The following IL7R variants were observed in gnomAD, a reference collection of about 807,000 sequenced individuals.
IL7R encodes the protein interleukin-7 receptor subunit alpha.
IL7R carries 38 observed loss-of-function variants against 47.0 expected under a neutral mutation model. The observed-to-expected ratio is 0.81, with a 90% CI of 0.62 to 1.06. The LOEUF (loss-of-function observed/expected upper bound fraction) is 1.06, where lower values mean the gene tolerates loss of function less well. IL7R is among the 50% of genes least tolerant of loss of function. IL7R has a pLI of 0.00. For synonymous variants in IL7R, 221 were observed against 199.8 expected (o/e 1.11, Z -0.89); for missense variants, 633 against 534.8 (o/e 1.18, Z -1.81).
intron 3 of IL7R, among the ~76,000 whole-genome samples, chr5:35,870,610 C>G (rs576322662): frequency 1.3e-5 from 2 of 152,258 alleles, no homozygotes; most frequent in Admixed American, 1.3e-4. Context: ...AAATAAGCCC[C>G]CAAACATATG....
At chr5:35,859,221 A>G (rs952725668) in intron 1 of IL7R, among the ~76,000 whole-genome samples, 1 of 152,156 alleles carries the variant, frequency 6.6e-6, no homozygotes, top group South Asian at 2.1e-4. Flanking sequence ...GGGTGCTGAC[A>G]TCTGCTAGAG....
At chr5:35,875,683 T>A in intron 7 of IL7R, 96 bp downstream of exon 7, 1 of 977,846 alleles carries the variant, frequency 1.0e-6, no homozygotes, top group Non-Finnish European at 1.6e-6. Context: ...CCTCACCTTT[T>A]GGTATTTGAT....
chr5:35,873,739 C>A, intron 5 of IL7R, 91 bp downstream of exon 5: 2 of 1,199,682 alleles, frequency 1.7e-6, no homozygotes, highest in Non-Finnish European at 2.5e-6. Context: ...TGAAACTAAC[C>A]TGCAAAATAG....
At chr5:35,874,382 C>A in intron 5 of IL7R, 67 bp from the exon 6 acceptor site, 1 of 1,037,780 alleles carries the variant, frequency 9.6e-7, no homozygotes, top group Non-Finnish European at 1.5e-6. Flanking sequence ...AAATGCAAAG[C>A]ACCCTGAGAC....
At chr5:35,867,913 C>A (rs1419004323) in intron 3 of IL7R, among the ~76,000 whole-genome samples, 2 of 150,616 alleles carry the variant, frequency 1.3e-5, no homozygotes, top group Non-Finnish European at 3.0e-5. Context: ...GAGTTTTCTA[C>A]AAAAAAAAAA....
At position 35,874,292 on chromosome 5, in the gene IL7R, C is replaced by G. The variant is rs2149903892; in HGVS notation, c.707-157C>G. Among the ~76,000 whole-genome samples the G allele has an allele frequency of 2.0e-5, 3 of 152,288 alleles. No individual in the cohort carries two copies. The South Asian group carries it at 6.2e-4, about 32-fold the overall frequency. The stretch of plus-strand genomic sequence containing the variant: ...AAGTCAATGCCTTTTAAACCAAAAT[C>G]CCTCCATAAAGCTGTCAAATATGTC... On this transcript the variant is annotated intron_variant, in intron 5 of 7. Coordinates refer to ENST00000303115, the MANE Select transcript of IL7R (RefSeq NM_002185.5).
chr5:35,867,721 G>A (rs532735901), intron 3 of IL7R: 3 of 602,766 alleles, frequency 5.0e-6, no homozygotes, highest in East Asian at 2.7e-5. Context: ...TGGCTAACTG[G>A]AGCTGGGCTT....
At position 35,878,756 on chromosome 5, in the gene IL7R, C is replaced by G. The variant is rs574931316; in HGVS notation, c.*2270C>G. The G allele has an allele frequency of 4.3e-6, 1 of 232,832 alleles. No individual in the cohort carries two copies. Among genetic ancestry groups the G allele is most frequent in the African/African-American group, 2.2e-5 (1 of 45,398 alleles). 14.4% of individuals were successfully genotyped at this position (232,832 alleles called of 1,614,324 possible). On this transcript the variant is annotated 3_prime_UTR_variant, in exon 8 of 8. Transcript: ENST00000303115. ...GGACACAGGAAGACAGGTAAATTAC[C>G]CAACCTCACACGTTAAGTCAGAACT...
chr5:35,868,014 G>A (rs1490385882), intron 3 of IL7R, among the ~76,000 whole-genome samples: 3 of 152,142 alleles, frequency 2.0e-5, no homozygotes, highest in Non-Finnish European at 2.9e-5. Flanking sequence ...ACTGGCAATC[G>A]CAAAAATCCA....
At chr5:35,863,142 A>G (rs6451226) in intron 2 of IL7R, among the ~76,000 whole-genome samples, 104,368 of 151,998 alleles carry the variant, frequency 0.69, 36,583 homozygotes, top group African/African-American at 0.8. Flanking sequence ...AGCCTAAACA[A>G]TCGCACACTC....
chr5:35,875,936 T>G, intron 7 of IL7R, 47 bp from the exon 8 acceptor site: 1 of 1,592,744 alleles, frequency 6.3e-7, no homozygotes, highest in East Asian at 2.2e-5. Context: ...TTTGATGGTG[T>G]GTCTCTCTGG....
chr5:35,867,184 C>T, intron 2 of IL7R, 122 bp from the exon 3 acceptor site: 1 of 832,458 alleles, frequency 1.2e-6, no homozygotes, highest in Non-Finnish European at 2.0e-6. Context: ...CCTCCACTCA[C>T]CCACCCACAT....
chr5:35,864,531 A>G (rs1354752571), intron 2 of IL7R, among the ~76,000 whole-genome samples: 1 of 152,092 alleles, frequency 6.6e-6, no homozygotes, highest in Non-Finnish European at 1.5e-5. Flanking sequence ...GCAACGTTTG[A>G]CTTTGGGATA....
rs750985822 is a variant in IL7R at position 35,871,117 on chromosome 5, G to A, written c.441G>A (p.Val147=). The A allele has an allele frequency of 5.6e-6, 9 of 1,611,818 alleles. No individual in the cohort carries two copies. In the East Asian group the frequency reaches 1.1e-4, roughly 20 times the overall value. ...ATCGGGAAGGAGCCAATGACTTTGT[G>A]GTGACATTTAATACATCACACTTGC... The part of the protein sequence containing the change: ...VVYREGANDF[V]VTFNTSHLQK... The change falls in exon 4 of 8, where the codon GTG becomes GTA. Residue 147 remains valine, a synonymous_variant. Coordinates refer to ENST00000303115, the MANE Select transcript of IL7R (RefSeq NM_002185.5).
At chr5:35,870,741 G>A (rs1020115285) in intron 3 of IL7R, among the ~76,000 whole-genome samples, 11 of 152,130 alleles carry the variant, frequency 7.2e-5, no homozygotes, top group Admixed American at 4.6e-4. Context: ...TGGCTCCACC[G>A]TCTGTAATGC....
rs1760302428 is a variant in IL7R, at chr5:35,879,603, A to G, written c.*3117A>G. The G allele has an allele frequency of 4.8e-6, 1 of 209,358 alleles. No individual in the cohort carries two copies. The highest frequency in any genetic ancestry group is 2.3e-5 in the African/African-American group (1 of 44,000). 13.0% of individuals were successfully genotyped at this position (209,358 alleles called of 1,614,324 possible). On this transcript the variant is annotated 3_prime_UTR_variant, in exon 8 of 8. Transcript: ENST00000303115. ...ATTTAATTAAATGGTATAGAAGAAC[A>G]CTTTGTGGCATGCCTGTTTTCTCTG... is the stretch of plus-strand genomic sequence containing the variant.
In IL7R at chr5:35,878,432, AATT is replaced by A. The variant is rs1760267966; in HGVS notation, c.*1955_*1957del. The A allele has an allele frequency of 8.6e-6, 2 of 233,050 alleles. No individual in the cohort carries two copies. Among genetic ancestry groups the A allele is most frequent in the African/African-American group, 2.2e-5 (1 of 45,446 alleles). The allele number at this position is 233,050 out of a possible 1,614,324, so 14.4% of individuals were successfully genotyped here. ...AATGAAAGTGACTGCTTGGTAAACA[AATT>A]ATTATTATATTATAAAATGCTATAA... is the stretch of plus-strand genomic sequence containing the variant. On this transcript the variant is annotated 3_prime_UTR_variant, in exon 8 of 8. Transcript: ENST00000303115.
rs2149905146 is a variant in IL7R at position 35,876,007 on chromosome 5, G to A, written c.901G>A (p.Glu301Lys). ...RKNLNVSFNP[E>K]SFLDCQIHRV... ...GAATTTAAATGTGAGTTTCAATCCT[G>A]AAAGTTTCCTGGACTGCCAGATTCA... The change falls in exon 8 of 8, where the codon GAA (glutamate) becomes AAA (lysine). Residue 301 changes from glutamate to lysine, a missense_variant. Transcript: ENST00000303115. The A allele has an allele frequency of 6.2e-7, 1 of 1,613,492 alleles. No individual in the cohort carries two copies. Among genetic ancestry groups the A allele is most frequent in the Non-Finnish European group, 8.5e-7 (1 of 1,179,970 alleles).
At position 35,879,274 on chromosome 5, in the gene IL7R, T is replaced by C. The variant is rs991822992; in HGVS notation, c.*2788T>C. ...CTTCAATGTGGTTTCCATGGGAATT[T>C]GCTTCAGAAAAGCCAAGTATGGGCT... On this transcript the variant is annotated 3_prime_UTR_variant, in exon 8 of 8. Coordinates refer to ENST00000303115, the MANE Select transcript of IL7R (RefSeq NM_002185.5). 1.7e-5 allele frequency: 4 copies of C among 232,790 alleles called. No homozygotes were observed. The highest frequency in any genetic ancestry group is 8.8e-5 in the African/African-American group (4 of 45,338). 14.4% of individuals were successfully genotyped at this position (232,790 alleles called of 1,614,324 possible).
Sources: gnomAD v4.1 joint callset for allele counts (sites outside exome capture counted in the v4.1 genomes callset) on GRCh38, gnomAD v4.1.1 for gene constraint, MANE v1.5 for transcripts, NCBI Gene and HGNC (gene_info 2026-07-23, HGNC 2026-07-21) for gene names.